Variants in ANKFN1 observed in about 807,000 individuals in gnomAD.
The protein encoded by ANKFN1 is ankyrin repeat and fibronectin type III domain containing 1.
ANKFN1 carries 74 observed loss-of-function variants against 108.7 expected under a neutral mutation model. The ratio of observed to expected loss-of-function variants is 0.68; its 90% CI spans 0.56 to 0.83. The LOEUF (loss-of-function observed/expected upper bound fraction) is 0.83. ANKFN1 is among the 40% of genes least tolerant of loss of function. ANKFN1 has a pLI of 0.00. For synonymous variants in ANKFN1, 547 were observed against 516.2 expected (o/e 1.06, Z -0.81); for missense variants, 1,505 against 1,382.3 (o/e 1.09, Z -1.41).
At chr17:56,113,949 A>C (rs552294040) in intron 4 of ANKFN1, among the ~76,000 whole-genome samples, 1 of 152,278 alleles carries the variant, frequency 6.6e-6, no homozygotes, top group East Asian at 1.9e-4. Context: ...TTGCAAACTA[A>C]TTGGACGTCA....
At chr17:56,224,258 A>G (rs1916086348) in intron 2 of ANKFN1, among the ~76,000 whole-genome samples, 1 of 152,234 alleles carries the variant, frequency 6.6e-6, no homozygotes, top group African/African-American at 2.4e-5. Flanking sequence ...AATTAATTTC[A>G]CAGGTAATTT....
intron 1 of ANKFN1, among the ~76,000 whole-genome samples, chr17:56,201,884 A>G (rs1357938024): frequency 6.6e-6 from 1 of 152,206 alleles, no homozygotes; most frequent in Non-Finnish European, 1.5e-5. Context: ...CAATAGCAGA[A>G]AACTACCACT....
At position 56,510,842 on chromosome 17, in the gene ANKFN1, AC is replaced by A; in HGVS notation, c.3019del (p.His1007ThrfsTer58). On this transcript the variant is annotated frameshift_variant, in exon 21 of 21. Transcript: ENST00000682825. LOFTEE classifies it low-confidence loss of function (END_TRUNC). ...GFLGKRKPGK[H>X]PHYGGFSRHH... ...CTGGGAAAGCGGAAGCCAGGCAAGCACCCCCACTATGGCGGCTTCAGCCGCC... is the reference window on the plus strand; with the variant it reads ...CTGGGAAAGCGGAAGCCAGGCAAGCACCCCACTATGGCGGCTTCAGCCGCC... 1 of 1,535,926 alleles carries A rather than the reference AC, an allele frequency of 6.5e-7. No homozygotes were observed. Among genetic ancestry groups the A allele is most frequent in the African/African-American group, 1.4e-5 (1 of 73,096 alleles).
chr17:56,485,255 A>G (rs2050820400), intron 18 of ANKFN1, among the ~76,000 whole-genome samples: 1 of 152,244 alleles, frequency 6.6e-6, no homozygotes, highest in South Asian at 2.1e-4. Context: ...AGAGAAGTGA[A>G]GGTCATGAAG....
chr17:56,126,591 C>T (rs1349200812), intron 4 of ANKFN1, among the ~76,000 whole-genome samples: 1 of 152,118 alleles, frequency 6.6e-6, no homozygotes, highest in Non-Finnish European at 1.5e-5. Flanking sequence ...AATGTAAAAG[C>T]CACATACAGA....
At chr17:56,247,155 A>G (rs2144035293) in intron 3 of ANKFN1, among the ~76,000 whole-genome samples, 1 of 151,254 alleles carries the variant, frequency 6.6e-6, no homozygotes, top group East Asian at 1.9e-4. Context: ...GATAATTGAC[A>G]AATAAACGCT....
intron 4 of ANKFN1, among the ~76,000 whole-genome samples, chr17:56,094,262 G>T (rs1283732003): frequency 6.6e-6 from 1 of 150,768 alleles, no homozygotes; most frequent in Non-Finnish European, 1.5e-5. Context: ...ATTTTTGATG[G>T]CAACCCTAGG....
intron 4 of ANKFN1, among the ~76,000 whole-genome samples, chr17:56,344,794 G>A (rs2046053823): frequency 6.6e-6 from 1 of 151,958 alleles, no homozygotes; most frequent in Non-Finnish European, 1.5e-5. Context: ...ACAGTTCTCT[G>A]GAAGAGGCAT....
chr17:56,405,806 C>G (rs2047903564), intron 8 of ANKFN1, among the ~76,000 whole-genome samples: 1 of 152,024 alleles, frequency 6.6e-6, no homozygotes, highest in East Asian at 1.9e-4. Context: ...AATATACTAC[C>G]TTTTGTGTAA....
intron 8 of ANKFN1, among the ~76,000 whole-genome samples, chr17:56,385,441 A>C (rs1384324234): frequency 2.0e-5 from 3 of 152,218 alleles, no homozygotes; most frequent in African/African-American, 2.4e-5. Context: ...CACCAACAGC[A>C]ATGGCAACAA....
At chr17:56,202,487 C>G (rs1666036458) in intron 1 of ANKFN1, among the ~76,000 whole-genome samples, 1 of 152,164 alleles carries the variant, frequency 6.6e-6, no homozygotes, top group African/African-American at 2.4e-5. Flanking sequence ...GCATTGCTAG[C>G]CTTCCAGTCT....
At chr17:56,395,316 T>C (rs911660004) in intron 8 of ANKFN1, among the ~76,000 whole-genome samples, 1 of 151,798 alleles carries the variant, frequency 6.6e-6, no homozygotes, top group East Asian at 1.9e-4. Context: ...AAACGTGGGG[T>C]GAGAGGAGCA....
Position 56,401,368 on chromosome 17 carries a change from A to G in ANKFN1, c.910+26654A>G, listed in dbSNP as rs376031998. On this transcript the variant is annotated intron_variant, in intron 8 of 20. Coordinates refer to ENST00000682825, the MANE Select transcript of ANKFN1 (RefSeq NM_001370326.1). ...ATTGTATTGTATTGTATTGTATTGT[A>G]TTGTGTTGTGTTGTGTTGTGTTGTG... Among the ~76,000 whole-genome samples the G allele has an allele frequency of 7.8e-3, 1,064 of 135,560 alleles. 5 individuals carry two copies. The highest frequency in any genetic ancestry group is 0.02 in the South Asian group (78 of 3,934). The allele number at this position is 135,560 out of a possible 152,430, so 88.9% of individuals were successfully genotyped here.
At chr17:56,214,321 G>C (rs1423107829) in intron 2 of ANKFN1, among the ~76,000 whole-genome samples, 1 of 152,184 alleles carries the variant, frequency 6.6e-6, no homozygotes, top group Non-Finnish European at 1.5e-5. Flanking sequence ...TGTCTGAGAT[G>C]GTGAAGCTTG....
At chr17:56,053,929 T>G (rs1904820569) in intron 4 of ANKFN1, among the ~76,000 whole-genome samples, 2 of 152,232 alleles carry the variant, frequency 1.3e-5, no homozygotes, top group Non-Finnish European at 2.9e-5. Flanking sequence ...TGGTGAATTC[T>G]GAGATTTTAG....
At chr17:56,504,453 T>C (rs1431646628) in intron 20 of ANKFN1, among the ~76,000 whole-genome samples, 1 of 152,184 alleles carries the variant, frequency 6.6e-6, no homozygotes, top group African/African-American at 2.4e-5. Flanking sequence ...AAATGTAGTT[T>C]AGGAAATCTA....
At chr17:56,117,457 A>C (rs1381467388) in intron 4 of ANKFN1, among the ~76,000 whole-genome samples, 1 of 152,162 alleles carries the variant, frequency 6.6e-6, no homozygotes, top group African/African-American at 2.4e-5. Flanking sequence ...TTTCCCTCCA[A>C]ATGGGATGGG....
intron 8 of ANKFN1, among the ~76,000 whole-genome samples, chr17:56,401,596 GGGTTTTCAA>G (rs1675262606): frequency 3.3e-5 from 5 of 152,098 alleles, no homozygotes; most frequent in African/African-American, 1.2e-4. Context: ...GGAGTCTTTA[GGGTTTTCAA>G]GGTAAACAAT....
intron 8 of ANKFN1, among the ~76,000 whole-genome samples, chr17:56,409,236 T>C (rs2048015883): frequency 6.6e-6 from 1 of 152,162 alleles, no homozygotes; most frequent in Admixed American, 6.5e-5. Flanking sequence ...AGATTATTTT[T>C]ATGTCTGTGT....
Sources: allele counts gnomAD v4.1 joint callset (sites outside exome capture counted in the v4.1 genomes callset), GRCh38; gene constraint gnomAD v4.1.1; transcripts MANE v1.5; gene names NCBI Gene and HGNC (gene_info 2026-07-23, HGNC 2026-07-21).